The following TMCO6 variants were observed in gnomAD, a reference collection of about 807,000 sequenced individuals.
TMCO6 encodes the protein transmembrane and coiled-coil domain-containing protein 6.
A neutral mutation model predicts 61.8 loss-of-function variants in TMCO6; 47 were observed. The observed-to-expected ratio is 0.76, with a 90% CI of 0.60 to 0.97. TMCO6 has a LOEUF of 0.97. Among genes scored for constraint, TMCO6 ranks in the 50% least tolerant of loss-of-function variants. The probability of loss-of-function intolerance (pLI) is 0.00; values close to 1 mark genes in which losing one functional copy is unlikely to be tolerated. For missense variants in TMCO6, 557 were observed against 601.6 expected, an observed-to-expected ratio of 0.93 and a Z score of 0.78; for synonymous variants, 261 against 254.2, an observed-to-expected ratio of 1.03 and a Z score of -0.25.
At chr5:140,615,938 C>T in the TMCO6 span, among the ~76,000 whole-genome samples, 1 of 152,238 alleles carries the variant, frequency 6.6e-6, no homozygotes, top group East Asian at 1.9e-4. Context: ...CGAGACCAGC[C>T]TGGCCAACAT....
downstream of TMCO6, chr5:140,647,654 C>T: frequency 6.4e-7 from 1 of 1,562,434 alleles, no homozygotes; most frequent in Non-Finnish European, 8.7e-7. Flanking sequence ...ACCGCGGACC[C>T]TAAAGCCTAG....
At chr5:140,646,769 C>G (rs772252643), downstream of TMCO6, among the ~76,000 whole-genome samples, 3 of 152,060 alleles carry the variant, frequency 2.0e-5, no homozygotes, top group Admixed American at 1.3e-4. Context: ...TAGAGTTTAA[C>G]AATAGTGCAA....
At chr5:140,603,329 G>T in the TMCO6 span, among the ~76,000 whole-genome samples, 1 of 151,578 alleles carries the variant, frequency 6.6e-6, no homozygotes, top group African/African-American at 2.4e-5. Context: ...TATTTTTGAA[G>T]CAGAGTTTCA....
At chr5:140,598,277 C>T in the TMCO6 span, among the ~76,000 whole-genome samples, 1 of 151,396 alleles carries the variant, frequency 6.6e-6, no homozygotes, top group Non-Finnish European at 1.5e-5. Flanking sequence ...CATGATATCT[C>T]ACTGCAGCTT....
the TMCO6 span, among the ~76,000 whole-genome samples, chr5:140,621,018 A>T: frequency 1.3e-5 from 2 of 152,300 alleles, no homozygotes; most frequent in East Asian, 3.9e-4. Flanking sequence ...ATCTCAAAAA[A>T]AAAAAGTCTT....
chr5:140,634,385 AAAC>A, the TMCO6 span, among the ~76,000 whole-genome samples: 1 of 152,206 alleles, frequency 6.6e-6, no homozygotes, highest in South Asian at 2.1e-4. Context: ...CAAAACAAAA[AAAC>A]AACAAATGTC....
At chr5:140,621,245 G>A in the TMCO6 span, among the ~76,000 whole-genome samples, 26 of 152,194 alleles carry the variant, frequency 1.7e-4, no homozygotes, top group Non-Finnish European at 3.5e-4. Context: ...ATTCCTCCCT[G>A]TTGCAGGAAG....
chr5:140,634,440 G>T (rs1756716495), upstream of TMCO6, among the ~76,000 whole-genome samples: 1 of 150,176 alleles, frequency 6.7e-6, no homozygotes. Flanking sequence ...GCCCTCACAG[G>T]TCCACATCCC....
chr5:140,599,691 A>G, the TMCO6 span, among the ~76,000 whole-genome samples: 1 of 152,222 alleles, frequency 6.6e-6, no homozygotes, highest in African/African-American at 2.4e-5. Flanking sequence ...ACCTGAGGTC[A>G]GGAGTTTGAG....
chr5:140,638,565 C>CTT (rs112303526), upstream of TMCO6, among the ~76,000 whole-genome samples: 1 of 89,250 alleles, frequency 1.1e-5, no homozygotes, highest in African/African-American at 5.1e-5. Flanking sequence ...TTCTTTCTTT[C>CTT]TTTTTTTTTT....
Position 140,643,872 on chromosome 5 carries a change from T to G in TMCO6, c.1011T>G (p.Arg337=). 1 of 1,614,222 alleles carries G rather than the reference T, an allele frequency of 6.2e-7. No individual in the cohort carries two copies. Residue 337 remains arginine (R), a synonymous_variant, in exon 9 of 12, where the codon CGT becomes CGG. Transcript: ENST00000394671. ...GGCAAATGCAGCTCAGAGATGAGCGTGTTGTGGCAGCCTTATTTATCCTTC... is the reference window on the plus strand; with the variant it reads ...GGCAAATGCAGCTCAGAGATGAGCGGGTTGTGGCAGCCTTATTTATCCTTC... ...VGGQMQLRDE[R]VVAALFILLQ...
chr5:140,627,400 C>T, the TMCO6 span, among the ~76,000 whole-genome samples: 5 of 152,274 alleles, frequency 3.3e-5, no homozygotes, highest in African/African-American at 9.6e-5. Context: ...GAACAATGAT[C>T]ATATCAAGGA....
At chr5:140,610,604 C>T in the TMCO6 span, among the ~76,000 whole-genome samples, 1 of 152,118 alleles carries the variant, frequency 6.6e-6, no homozygotes, top group Non-Finnish European at 1.5e-5. Flanking sequence ...GCTGAACTTG[C>T]TGATTAGTTT....
intron 11 of TMCO6, 90 bp from the exon 12 acceptor site, chr5:140,644,895 C>T: frequency 6.6e-7 from 1 of 1,509,698 alleles, no homozygotes; most frequent in South Asian, 1.2e-5. Context: ...GGGGAATGCA[C>T]CCTCTGGAGT....
At chr5:140,606,522 AT>A in the TMCO6 span, among the ~76,000 whole-genome samples, 25 of 151,654 alleles carry the variant, frequency 1.6e-4, no homozygotes, top group Non-Finnish European at 3.2e-4. Context: ...CTAATTTTTA[AT>A]TTTAATTCTG....
chr5:140,610,862 A>C, the TMCO6 span, among the ~76,000 whole-genome samples: 1 of 152,150 alleles, frequency 6.6e-6, no homozygotes, highest in Non-Finnish European at 1.5e-5. Flanking sequence ...TTTTTTTGGC[A>C]GATGTCCTTT....
At chr5:140,598,262 A>T in the TMCO6 span, among the ~76,000 whole-genome samples, 7 of 151,142 alleles carry the variant, frequency 4.6e-5, no homozygotes, top group South Asian at 1.5e-3. Flanking sequence ...GCTGGAGTGC[A>T]GTGGCATGAT....
chr5:140,644,189 G>C lies in TMCO6; in HGVS notation c.1195G>C (p.Val399Leu), dbSNP rs373658685. 5.6e-6 allele frequency: 9 copies of C among 1,613,836 alleles called. No individual in the cohort carries two copies. The highest frequency in any genetic ancestry group is 3.3e-5 in the South Asian group (3 of 91,086). Residue 399 changes from valine (V) to leucine (L), a missense_variant, in exon 10 of 12, where the codon GTA becomes CTA. Physicochemically the swap from Val to Leu is conservative, Grantham distance 32. Coordinates refer to ENST00000394671, the MANE Select transcript of TMCO6 (RefSeq NM_018502.5). The stretch of plus-strand genomic sequence containing the variant: ...GTTGCCAGTATCTAACGTGGTGAGC[G>C]TAATGGTATGTATTGGGGTTACTTG... ...QLLPVSNVVS[V>L]MVLTVLCNVA...
chr5:140,611,466 G>T, the TMCO6 span, among the ~76,000 whole-genome samples: 4 of 152,188 alleles, frequency 2.6e-5, no homozygotes, highest in African/African-American at 4.8e-5. Flanking sequence ...GAGCTGTCTT[G>T]TCTGTGTTTT....
Sources: allele counts gnomAD v4.1 joint callset (sites outside exome capture counted in the v4.1 genomes callset), GRCh38; gene constraint gnomAD v4.1.1; transcripts MANE v1.5; gene names NCBI Gene and HGNC (gene_info 2026-07-23, HGNC 2026-07-21).